The following CREB5 variants were observed in gnomAD, a reference collection of about 807,000 sequenced individuals.
CREB5 encodes cAMP responsive element binding protein 5.
In CREB5, 19 loss-of-function variants were observed where a neutral mutation model predicts 57.1. The observed-to-expected ratio is 0.33, with a 90% CI of 0.23 to 0.49. The LOEUF is 0.49. CREB5 is among the 20% of genes least tolerant of loss of function. The probability of loss-of-function intolerance (pLI) is 0.99; values close to 1 mark genes in which losing one functional copy is unlikely to be tolerated. For synonymous variants in CREB5, 238 were observed against 238.3 expected (o/e 1.00, Z 0.01); for missense variants, 579 against 671.6 (o/e 0.86, Z 1.52).
chr7:28,585,610 T>C (rs1339962632), intron 5 of CREB5, among the ~76,000 whole-genome samples: 1 of 152,154 alleles, frequency 6.6e-6, no homozygotes, highest in Non-Finnish European at 1.5e-5. Context: ...TTTTGAAGCG[T>C]CCTCTGCCTT....
At chr7:28,413,073 T>C (rs907748615) in intron 1 of CREB5, among the ~76,000 whole-genome samples, 156 bp downstream of exon 1, 1 of 147,912 alleles carries the variant, frequency 6.8e-6, no homozygotes, top group Non-Finnish European at 1.5e-5. Context: ...CTGGGACTTA[T>C]AGCATTTTAT....
chr7:28,573,932 C>G (rs116891702), intron 5 of CREB5, among the ~76,000 whole-genome samples: 6 of 152,188 alleles, frequency 3.9e-5, no homozygotes, highest in African/African-American at 1.4e-4. Flanking sequence ...CCATGCCCTG[C>G]GCTCAATTCT....
At chr7:28,542,884 T>G (rs965227171) in intron 4 of CREB5, among the ~76,000 whole-genome samples, 1 of 152,164 alleles carries the variant, frequency 6.6e-6, no homozygotes, top group Non-Finnish European at 1.5e-5. Context: ...ACAAATCAGC[T>G]GATGCCATCT....
intron 1 of CREB5, among the ~76,000 whole-genome samples, chr7:28,454,951 G>T (rs772150272): frequency 2.0e-5 from 3 of 152,162 alleles, no homozygotes; most frequent in Non-Finnish European, 4.4e-5. Flanking sequence ...CACCTCATTT[G>T]TCCTCAAATG....
In CREB5 at chr7:28,809,375, G is replaced by A. The variant is rs749276217; in HGVS notation, c.1215G>A (p.Lys405=). 3.1e-6 allele frequency: 5 copies of A among 1,613,922 alleles called. No homozygotes were observed. The East Asian group carries it at 1.1e-4, about 36-fold the overall frequency. The change falls in exon 9 of 11, where the codon AAG becomes AAA. Residue 405 remains lysine, a synonymous_variant. Coordinates refer to ENST00000357727, the MANE Select transcript of CREB5 (RefSeq NM_182898.4). ...KRKVWVMSLE[K]KAEELTQTNM... ...AGGTCTGGGTGATGTCATTGGAAAA[G>A]AAAGCAGAAGAACTCACCCAGACAA...
chr7:28,328,300 G>T (rs1286129886), intron 1 of CREB5, among the ~76,000 whole-genome samples: 1 of 152,066 alleles, frequency 6.6e-6, no homozygotes, highest in African/African-American at 2.4e-5. Context: ...GTCTATAGTT[G>T]GCCACAAGAA....
chr7:28,374,001 A>T (rs889004440), intron 1 of CREB5, among the ~76,000 whole-genome samples: 28 of 152,220 alleles, frequency 1.8e-4, no homozygotes, highest in African/African-American at 6.7e-4. Flanking sequence ...CGGGGAAATT[A>T]GAAGTTACCA....
intron 1 of CREB5, among the ~76,000 whole-genome samples, chr7:28,424,173 C>T (rs1057243342): frequency 2.0e-5 from 3 of 152,196 alleles, no homozygotes; most frequent in South Asian, 2.1e-4. Context: ...TGAGAGCCCA[C>T]ACTAATGACC....
chr7:28,476,130 A>C (rs1229884142), intron 1 of CREB5, among the ~76,000 whole-genome samples: 1 of 152,224 alleles, frequency 6.6e-6, no homozygotes, highest in Non-Finnish European at 1.5e-5. Context: ...CCAAGTTGGA[A>C]CACAGACCTG....
At chr7:28,757,055 A>T (rs1805361126) in intron 7 of CREB5, among the ~76,000 whole-genome samples, 1 of 152,226 alleles carries the variant, frequency 6.6e-6, no homozygotes, top group African/African-American at 2.4e-5. Flanking sequence ...CATTATTGCC[A>T]GTTTTCAGTT....
chr7:28,381,298 C>T (rs1279201696), intron 1 of CREB5, among the ~76,000 whole-genome samples: 4 of 152,150 alleles, frequency 2.6e-5, no homozygotes, highest in Non-Finnish European at 4.4e-5. Flanking sequence ...ATATTGAGTG[C>T]CTTCCTCATA....
At chr7:28,669,781 G>A (rs2128718380) in intron 5 of CREB5, among the ~76,000 whole-genome samples, 1 of 152,260 alleles carries the variant, frequency 6.6e-6, no homozygotes. Context: ...TCTGTTTCCT[G>A]TGTCAAGAAT....
chr7:28,601,278 G>A (rs563319733), intron 5 of CREB5, among the ~76,000 whole-genome samples: 5 of 151,994 alleles, frequency 3.3e-5, no homozygotes, highest in Middle Eastern at 3.2e-3. Context: ...GGAAGATAAC[G>A]AGAAGCAAAA....
chr7:28,753,114 A>C (rs978016879), intron 7 of CREB5, among the ~76,000 whole-genome samples: 1 of 152,146 alleles, frequency 6.6e-6, no homozygotes, highest in Non-Finnish European at 1.5e-5. Flanking sequence ...GTCCTAAGAA[A>C]ATAATCACAG....
intron 1 of CREB5, 68 bp from the exon 2 acceptor site, chr7:28,488,107 G>C: frequency 7.0e-7 from 1 of 1,426,858 alleles, no homozygotes; most frequent in African/African-American, 1.4e-5. Flanking sequence ...TTCTCACGTT[G>C]CTCAGGTAGA....
chr7:28,756,943 T>C (rs987536809), intron 7 of CREB5, among the ~76,000 whole-genome samples: 4 of 152,306 alleles, frequency 2.6e-5, no homozygotes, highest in African/African-American at 9.6e-5. Context: ...GGCGCTCACA[T>C]TTCAAAGATT....
chr7:28,343,814 C>T (rs1320330086), intron 1 of CREB5, among the ~76,000 whole-genome samples: 2 of 152,160 alleles, frequency 1.3e-5, no homozygotes, highest in Non-Finnish European at 2.9e-5. Flanking sequence ...TTTCTGTTGC[C>T]ACCAACAGTG....
intron 1 of CREB5, among the ~76,000 whole-genome samples, chr7:28,455,503 G>A (rs1333212131): frequency 6.6e-6 from 1 of 152,238 alleles, no homozygotes; most frequent in Admixed American, 6.5e-5. Flanking sequence ...CAAAAATGCT[G>A]TTTGTAAATT....
intron 5 of CREB5, among the ~76,000 whole-genome samples, chr7:28,683,008 A>G (rs1800679284): frequency 6.6e-6 from 1 of 152,316 alleles, no homozygotes; most frequent in African/African-American, 2.4e-5. Flanking sequence ...CCCTCTCCCC[A>G]AGGATGACAC....
Sources: allele counts gnomAD v4.1 joint callset (sites outside exome capture counted in the v4.1 genomes callset), GRCh38; gene constraint gnomAD v4.1.1; transcripts MANE v1.5; gene names NCBI Gene and HGNC (gene_info 2026-07-23, HGNC 2026-07-21).